MROH1: variants seen among roughly 807,000 people sequenced by gnomAD.
MROH1 encodes the protein maestro heat-like repeat-containing protein family member 1.
Under a neutral mutation model 116.5 loss-of-function variants are expected in MROH1, and 117 were observed. That is an observed-to-expected ratio of 1.00 (90% CI 0.86 to 1.17). The LOEUF (loss-of-function observed/expected upper bound fraction) is 1.17. Among genes scored for constraint, MROH1 ranks in the 50% most tolerant of loss-of-function variants. The pLI is 0.00. For synonymous variants in MROH1, 921 were observed against 583.9 expected (o/e 1.58, Z -8.32); for missense variants, 1,873 against 1,338.5 (o/e 1.40, Z -6.23).
intron 3 of MROH1, 140 bp from the exon 4 acceptor site, chr8:144,168,155 A>T: frequency 9.9e-7 from 1 of 1,006,316 alleles, no homozygotes; most frequent in East Asian, 2.7e-5. Flanking sequence ...TATACAAGAG[A>T]GAAAGCAGCT....
intron 2 of MROH1, among the ~76,000 whole-genome samples, chr8:144,161,375 C>T (rs146095777): frequency 7.7e-4 from 118 of 152,290 alleles, no homozygotes; most frequent in African/African-American, 2.6e-3. Flanking sequence ...CCAGGGAACC[C>T]GCTGCAGGTC....
chr8:144,257,181 G>A (rs1844027981), intron 35 of MROH1, among the ~76,000 whole-genome samples: 1 of 152,244 alleles, frequency 6.6e-6, no homozygotes, highest in South Asian at 2.1e-4. Context: ...TTGGCACCCA[G>A]GCTACCTGGG....
chr8:144,260,692 C>T lies in MROH1; in HGVS notation c.4396C>T (p.Arg1466Trp), dbSNP rs1367055792. Residue 1466 changes from arginine (R) to tryptophan (W), a missense_variant, in exon 40 of 44, where the codon CGG becomes TGG. Transcript: ENST00000326134. ...PFFDSEKMEF[R>W]TASIRLFGHL... ...TCCTTCCCAGGAGAAGATGGAGTTC[C>T]GGACGGCATCTATCCGCCTCTTTGG... The T allele has an allele frequency of 3.1e-5, 24 of 779,286 alleles. No individual in the cohort carries two copies. Among genetic ancestry groups the T allele is most frequent in the Non-Finnish European group, 5.0e-5 (21 of 417,792 alleles). The allele number at this position is 779,286 out of a possible 1,614,324, so 48.3% of individuals were successfully genotyped here.
chr8:144,222,880 A>G (rs1837075285), intron 13 of MROH1, among the ~76,000 whole-genome samples: 2 of 151,530 alleles, frequency 1.3e-5, no homozygotes, highest in Non-Finnish European at 2.9e-5. Flanking sequence ...GCAGGCCCAG[A>G]TGTGGGTGCA....
chr8:144,191,188 G>T (rs549142705), intron 8 of MROH1, among the ~76,000 whole-genome samples: 5 of 152,306 alleles, frequency 3.3e-5, no homozygotes, highest in African/African-American at 1.2e-4. Context: ...TCATGCCTCA[G>T]CCTCCTGAGT....
At chr8:144,207,962 T>G (rs568993711) in intron 12 of MROH1, among the ~76,000 whole-genome samples, 32 of 151,022 alleles carry the variant, frequency 2.1e-4, no homozygotes, top group Admixed American at 6.6e-4. Context: ...TTTTTTTTTT[T>G]GAGACAGAGT....
At chr8:144,159,679 C>A (rs778969275) in intron 1 of MROH1, among the ~76,000 whole-genome samples, 1 of 151,878 alleles carries the variant, frequency 6.6e-6, no homozygotes, top group Non-Finnish European at 1.5e-5. Context: ...TGAACTCTTT[C>A]CTTTGTGTTA....
At chr8:144,217,099 T>C (rs1029990675) in intron 12 of MROH1, among the ~76,000 whole-genome samples, 2 of 152,102 alleles carry the variant, frequency 1.3e-5, no homozygotes, top group Non-Finnish European at 2.9e-5. Context: ...GTAGGAGGAT[T>C]GAGTCCAGGA....
chr8:144,254,946 C>A lies in MROH1; in HGVS notation c.3562C>A (p.Pro1188Thr). 1 of 773,740 alleles carries A rather than the reference C, an allele frequency of 1.3e-6. No individual in the cohort carries two copies. The highest frequency in any genetic ancestry group is 1.7e-5 in the Admixed American group (1 of 58,414). The allele number at this position is 773,740 out of a possible 1,614,324, so 47.9% of individuals were successfully genotyped here. ...CCGGGCCTTCCTGCTGGGCCGCACC[C>A]CAGACCGCGTGGCCACGCTGCTGCC... ...ESRAFLLGRTPDRVATLLPLS... is the reference protein window; with the variant it reads ...ESRAFLLGRTTDRVATLLPLS... The change falls in exon 34 of 44, where the codon CCA becomes ACA. Residue 1188 changes from proline (P) to threonine (T), a missense_variant. Physicochemically the swap from Pro to Thr is conservative, Grantham distance 38. Transcript: ENST00000326134.
intron 1 of MROH1, among the ~76,000 whole-genome samples, chr8:144,154,990 G>A (rs1817694829): frequency 6.6e-6 from 1 of 152,144 alleles, no homozygotes; most frequent in African/African-American, 2.4e-5. Context: ...GCTAATTTTT[G>A]TATTTTTAGC....
At chr8:144,231,099 A>G (rs1450159329) in intron 14 of MROH1, among the ~76,000 whole-genome samples, 1 of 145,734 alleles carries the variant, frequency 6.9e-6, no homozygotes, top group African/African-American at 2.6e-5. Context: ...GACACAGCAC[A>G]TGTTTCAGAG....
chr8:144,200,582 T>C (rs376216723), intron 12 of MROH1, 41 bp downstream of exon 12: 29 of 1,382,924 alleles, frequency 2.1e-5, no homozygotes, highest in South Asian at 8.7e-5. Flanking sequence ...CCCCTGGCCA[T>C]GTCCAGGATG....
Position 144,261,276 on chromosome 8 carries a change from C to T in MROH1, c.4775-8C>T. The T allele has an allele frequency of 1.3e-6, 1 of 745,898 alleles. No individual in the cohort carries two copies. The highest frequency in any genetic ancestry group is 2.5e-5 in the East Asian group (1 of 40,394). The allele number at this position is 745,898 out of a possible 1,614,324, so 46.2% of individuals were successfully genotyped here. On this transcript the variant is annotated splice_polypyrimidine_tract_variant and splice_region_variant and intron_variant, in intron 42 of 43. Transcript: ENST00000326134. Reference sequence around the variant, plus strand: ...CCGGCAGCCCCGCCTGATGCCCCCACTTCACAGGGTTCCTGGTGCTGCACT... The same window carrying T: ...CCGGCAGCCCCGCCTGATGCCCCCATTTCACAGGGTTCCTGGTGCTGCACT...
chr8:144,183,950 CA>C (rs1393619140), intron 7 of MROH1, among the ~76,000 whole-genome samples: 1 of 152,186 alleles, frequency 6.6e-6, no homozygotes, highest in Non-Finnish European at 1.5e-5. Flanking sequence ...CCTGGCCAGA[CA>C]AGGCCTTTCT....
chr8:144,238,815 C>T lies in MROH1; in HGVS notation c.1398C>T (p.Ser466=), dbSNP rs1321282861. 1.0e-5 allele frequency: 8 copies of T among 775,002 alleles called. No individual in the cohort carries two copies. The highest frequency in any genetic ancestry group is 1.7e-5 in the African/African-American group (1 of 59,114). 48.0% of individuals were successfully genotyped at this position (775,002 alleles called of 1,614,324 possible). A position where few individuals can be genotyped will look rare whatever the true frequency, so the allele number is the denominator to read the frequency against. Residue 466 remains serine (S), a synonymous_variant, in exon 15 of 44, where the codon AGC becomes AGT. Transcript: ENST00000326134. ...DPKADSVRAI[S]VRTLYLVSTT... ...AGGCCGACAGCGTGCGGGCCATCAG[C>T]GTGCGCACCCTCTACCTGGTCAGCA... is the stretch of plus-strand genomic sequence containing the variant.
In MROH1 at chr8:144,180,566, G is replaced by T. The variant is rs1172231670; in HGVS notation, c.562+43G>T. The T allele has an allele frequency of 1.3e-6, 2 of 1,568,714 alleles. No homozygotes were observed. The highest frequency in any genetic ancestry group is 1.1e-5 in the South Asian group (1 of 89,976). On this transcript the variant is annotated intron_variant, in intron 7 of 43. Coordinates refer to ENST00000326134, the MANE Select transcript of MROH1 (RefSeq NM_032450.3). The surrounding 1 kb of genome is among the most constrained non-coding windows in gnomAD (Gnocchi z 7.4). Reference sequence around the variant, plus strand: ...CACCTTCTGTCTCAAGTGCCCCTTTGTGGGGGGCTGTTCCCGGGCATGCCT... The same window carrying T: ...CACCTTCTGTCTCAAGTGCCCCTTTTTGGGGGGCTGTTCCCGGGCATGCCT...
intron 32 of MROH1, 50 bp downstream of exon 32, chr8:144,249,079 G>T: frequency 1.4e-6 from 1 of 711,344 alleles, no homozygotes; most frequent in South Asian, 1.5e-5. Flanking sequence ...GTGGGAGAGG[G>T]CGCGGTGGGA....
chr8:144,234,308 G>A (rs1463771935), intron 14 of MROH1, among the ~76,000 whole-genome samples: 3 of 151,902 alleles, frequency 2.0e-5, no homozygotes, highest in Admixed American at 6.6e-5. Context: ...GCGCCCGGCT[G>A]TAGTTCCATT....
chr8:144,259,800 CTCTG>C (rs1469598417), intron 37 of MROH1, 107 bp from the exon 38 acceptor site: 35 of 700,796 alleles, frequency 5.0e-5, no homozygotes, highest in African/African-American at 3.8e-4. Context: ...GGTGCTCCAC[CTCTG>C]TCTGCCACAC....
Sources: allele counts gnomAD v4.1 joint callset (sites outside exome capture counted in the v4.1 genomes callset), GRCh38; gene constraint gnomAD v4.1.1; non-coding constraint Gnocchi (gnomAD v3.1); transcripts MANE v1.5; gene names NCBI Gene and HGNC (gene_info 2026-07-23, HGNC 2026-07-21).